CCDC146: variants seen among roughly 807,000 people sequenced by gnomAD.
CCDC146 encodes the protein coiled-coil domain-containing protein 146.
Under a neutral mutation model 119.3 loss-of-function variants are expected in CCDC146, and 92 were observed. That is an observed-to-expected ratio of 0.77 (90% CI 0.65 to 0.92). The LOEUF is 0.92. Among genes scored for constraint, CCDC146 ranks in the 40% least tolerant of loss-of-function variants. The probability of loss-of-function intolerance (pLI) is 0.00; values close to 1 mark genes in which losing one functional copy is unlikely to be tolerated. For missense variants in CCDC146, 1,000 were observed against 1,103.0 expected, an observed-to-expected ratio of 0.91 and a Z score of 1.32; for synonymous variants, 372 against 371.8, an observed-to-expected ratio of 1.00 and a Z score of -0.01.
chr7:77,235,682 G>C (rs1233703572), intron 2 of CCDC146, among the ~76,000 whole-genome samples: 3 of 152,160 alleles, frequency 2.0e-5, no homozygotes, highest in Non-Finnish European at 4.4e-5. Flanking sequence ...CTGGCAGAAG[G>C]GCAGTTAGGA....
chr7:77,287,190 T>C, intron 16 of CCDC146: 1 of 589,218 alleles, frequency 1.7e-6, no homozygotes, highest in Non-Finnish European at 3.0e-6. Flanking sequence ...CTTAAATGGA[T>C]TAATTTGTCT....
intron 4 of CCDC146, among the ~76,000 whole-genome samples, chr7:77,250,877 A>T (rs1186582035): frequency 1.4e-5 from 2 of 144,440 alleles, no homozygotes; most frequent in African/African-American, 5.1e-5. Context: ...AGATATCCTC[A>T]AGCTCAGAGA....
rs554811707 is a variant in CCDC146, at chr7:77,261,751, A to T, written c.987-370A>T. Among the ~76,000 whole-genome samples, 4 of 152,326 alleles carry T rather than the reference A, an allele frequency of 2.6e-5. No homozygotes were observed. In the South Asian group the frequency reaches 8.3e-4, roughly 32 times the overall value. ...CTCGGCCTCCCAAAGTGCTGGGATT[A>T]CAGGCGTGAGCCACCGCGCCCAGCC... On this transcript the variant is annotated intron_variant, in intron 8 of 18. Transcript: ENST00000285871.
chr7:77,225,493 G>A (rs2150467982), intron 2 of CCDC146, among the ~76,000 whole-genome samples: 1 of 151,542 alleles, frequency 6.6e-6, no homozygotes, highest in Non-Finnish European at 1.5e-5. Context: ...GTTCGAGGCT[G>A]CAGTGAGTTA....
At chr7:77,159,971 T>G (rs1791233649) in intron 1 of CCDC146, among the ~76,000 whole-genome samples, 1 of 152,236 alleles carries the variant, frequency 6.6e-6, no homozygotes, top group South Asian at 2.1e-4. Flanking sequence ...GGATCCAGTT[T>G]CAGCTTTCTA....
At chr7:77,251,563 T>C (rs1233022704) in intron 4 of CCDC146, among the ~76,000 whole-genome samples, 1 of 152,058 alleles carries the variant, frequency 6.6e-6, no homozygotes, top group Non-Finnish European at 1.5e-5. Flanking sequence ...ATGTACTGGG[T>C]AAAAGGAATT....
rs775861710 is a variant in CCDC146, at chr7:77,199,756, A to G, written c.156+31932A>G. The G allele has an allele frequency of 3.7e-6, 6 of 1,613,982 alleles. No individual in the cohort carries two copies. The East Asian group carries it at 1.3e-4, about 36-fold the overall frequency. Reference sequence around the variant, plus strand: ...AACCAAAAAACCGTAAGTGGCAAGAACAGCTGAGCTCAGCCAGTACCAGTT... The same window carrying G: ...AACCAAAAAACCGTAAGTGGCAAGAGCAGCTGAGCTCAGCCAGTACCAGTT... On this transcript the variant is annotated intron_variant, in intron 2 of 18. Transcript: ENST00000285871.
intron 1 of CCDC146, among the ~76,000 whole-genome samples, chr7:77,136,404 A>T (rs1276871970): frequency 6.6e-6 from 1 of 152,208 alleles, no homozygotes; most frequent in Non-Finnish European, 1.5e-5. Context: ...AAGAAAAAAG[A>T]CAGAAGACAC....
intron 2 of CCDC146, among the ~76,000 whole-genome samples, chr7:77,185,031 G>A (rs777442169): frequency 1.3e-4 from 20 of 152,082 alleles, no homozygotes; most frequent in Non-Finnish European, 2.2e-4. Flanking sequence ...TGTCAGGACC[G>A]CTGAAAATGG....
chr7:77,227,603 C>T (rs1366874364), intron 2 of CCDC146, among the ~76,000 whole-genome samples: 1 of 152,194 alleles, frequency 6.6e-6, no homozygotes, highest in Non-Finnish European at 1.5e-5. Flanking sequence ...CGGCGCCTGG[C>T]CACCATTGCT....
intron 2 of CCDC146, among the ~76,000 whole-genome samples, chr7:77,168,782 C>T (rs1791375819): frequency 6.6e-6 from 1 of 152,060 alleles, no homozygotes; most frequent in African/African-American, 2.4e-5. Flanking sequence ...CAGACGCTAA[C>T]ATCTTACCAC....
At chr7:77,213,617 T>G (rs1466010418) in intron 2 of CCDC146, among the ~76,000 whole-genome samples, 1 of 152,202 alleles carries the variant, frequency 6.6e-6, no homozygotes, top group African/African-American at 2.4e-5. Flanking sequence ...TTTTAAACCC[T>G]CACTGCCCTC....
intron 2 of CCDC146, among the ~76,000 whole-genome samples, chr7:77,191,224 C>T (rs1245464564): frequency 6.6e-6 from 1 of 152,184 alleles, no homozygotes; most frequent in Admixed American, 6.5e-5. Flanking sequence ...GTTGTTTTAA[C>T]GTCGCTGTTT....
chr7:77,250,973 T>TTGTGTGTGTG (rs58026945), intron 4 of CCDC146, among the ~76,000 whole-genome samples: 17 of 114,692 alleles, frequency 1.5e-4, no homozygotes, highest in South Asian at 3.3e-4. Flanking sequence ...TCTCTGGTAT[T>TTGTGTGTGTG]TGTGTGTGTG....
intron 2 of CCDC146, among the ~76,000 whole-genome samples, chr7:77,182,493 C>T (rs1004294571): frequency 6.6e-6 from 1 of 152,006 alleles, no homozygotes; most frequent in Non-Finnish European, 1.5e-5. Flanking sequence ...GATTTGAGGC[C>T]AGGCGTGGTG....
rs372048037 is a variant in CCDC146, at chr7:77,241,952, G to GA, written c.449+59dup. The GA allele has an allele frequency of 2.0e-4, 285 of 1,413,304 alleles. No individual in the cohort carries two copies. In the African/African-American group the frequency reaches 3.2e-3, roughly 16 times the overall value. 87.5% of individuals were successfully genotyped at this position (1,413,304 alleles called of 1,614,324 possible). On this transcript the variant is annotated intron_variant, in intron 4 of 18. Transcript: ENST00000285871. ...CTGAAAAGTCTTTTCCTCATAAATA[G>GA]AAAAAAATCAGATTAAGTTGGAGGT...
intron 4 of CCDC146, chr7:77,246,408 C>A (rs1278905230): frequency 6.6e-6 from 1 of 152,166 alleles, no homozygotes; most frequent in South Asian, 2.1e-4. Flanking sequence ...TCCTTAAAAC[C>A]AAAAGCCTTT....
At position 77,278,978 on chromosome 7, in the gene CCDC146, A is replaced by G; in HGVS notation, c.1571A>G (p.Glu524Gly). 6.2e-7 allele frequency: 1 copy of G among 1,612,328 alleles called. No individual in the cohort carries two copies. The highest frequency in any genetic ancestry group is 1.3e-5 in the African/African-American group (1 of 74,910). ...AAACTGTATGACACCATTCGAAATG[A>G]AAGAAACAAATTTGTTAACTTACTC... Reference protein sequence around the residue: ...FAKLYDTIRNERNKFVNLLHK... With the variant: ...FAKLYDTIRNGRNKFVNLLHK... Residue 524 changes from glutamate (E) to glycine (G), a missense_variant, in exon 13 of 19, where the codon GAA becomes GGA. Glu to Gly is a moderately conservative substitution (Grantham distance 98, BLOSUM62 -2). This residue lies in a region of CCDC146 where 985 missense variants were observed against 1,045.3 expected (regional missense o/e 0.94). Transcript: ENST00000285871.
At chr7:77,264,465 G>A (rs1031991500) in intron 9 of CCDC146, among the ~76,000 whole-genome samples, 7 of 152,026 alleles carry the variant, frequency 4.6e-5, no homozygotes, top group South Asian at 2.1e-4. Flanking sequence ...CACTATGTTC[G>A]CCAGGCTGGT....
Sources: gnomAD v4.1 joint callset for allele counts (sites outside exome capture counted in the v4.1 genomes callset) on GRCh38, gnomAD v4.1.1 for gene constraint, gnomAD v4.1.1 regional missense constraint, MANE v1.5 for transcripts, NCBI Gene and HGNC (gene_info 2026-07-23, HGNC 2026-07-21) for gene names.